The following CNTNAP2 variants were observed in gnomAD, a reference collection of about 807,000 sequenced individuals.
CNTNAP2 encodes the protein contactin associated protein 2.
Under a neutral mutation model 155.2 loss-of-function variants are expected in CNTNAP2, and 98 were observed. The ratio of observed to expected loss-of-function variants is 0.63; its 90% CI spans 0.54 to 0.75. The LOEUF (loss-of-function observed/expected upper bound fraction) is 0.75, where lower values mean the gene tolerates loss of function less well. Ranked by LOEUF, CNTNAP2 falls within the 30% of genes least tolerant of loss-of-function variation. The probability of loss-of-function intolerance (pLI) is 0.00; values close to 1 mark genes in which losing one functional copy is unlikely to be tolerated. For missense variants in CNTNAP2, 1,727 were observed against 1,688.1 expected (o/e 1.02, Z -0.40); for synonymous variants, 651 against 631.2 (o/e 1.03, Z -0.47).
chr7:146,769,766 G>A (rs546610861), intron 1 of CNTNAP2, among the ~76,000 whole-genome samples: 12 of 152,190 alleles, frequency 7.9e-5, no homozygotes, highest in East Asian at 1.9e-4. Context: ...GTTTAGTTTC[G>A]TGGGCCATAT....
At chr7:147,335,560 T>C (rs2116849745) in intron 9 of CNTNAP2, among the ~76,000 whole-genome samples, 1 of 152,152 alleles carries the variant, frequency 6.6e-6, no homozygotes, top group African/African-American at 2.4e-5. Context: ...AGAAAATAAA[T>C]GATTGAACAA....
chr7:148,322,516 A>G (rs574445310), intron 21 of CNTNAP2, among the ~76,000 whole-genome samples: 1 of 152,354 alleles, frequency 6.6e-6, no homozygotes, highest in South Asian at 2.1e-4. Flanking sequence ...GGATTTTAAT[A>G]TAACTAAAAC....
At chr7:147,939,759 G>A (rs1292414604) in intron 14 of CNTNAP2, among the ~76,000 whole-genome samples, 2 of 151,982 alleles carry the variant, frequency 1.3e-5, no homozygotes, top group Non-Finnish European at 2.9e-5. Flanking sequence ...CAAAAGAAAA[G>A]GCAAGTGTCC....
At chr7:147,054,828 G>T (rs1260313719) in intron 4 of CNTNAP2, among the ~76,000 whole-genome samples, 3 of 151,974 alleles carry the variant, frequency 2.0e-5, no homozygotes, top group African/African-American at 4.8e-5. Flanking sequence ...ACTCCTATCA[G>T]AATAGTATCA....
rs1342858669 is a variant in CNTNAP2 at position 148,247,646 on chromosome 7, TA to T, written c.3381+17868del. On this transcript the variant is annotated intron_variant, in intron 20 of 23. Coordinates refer to ENST00000361727, the MANE Select transcript of CNTNAP2 (RefSeq NM_014141.6). ...CTCTCTATTTATTTATTTATTTATT[TA>T]TTTATTTATTTATTTATTTTTTTGG... Among the ~76,000 whole-genome samples, 270 of 145,332 alleles carry T rather than the reference TA, an allele frequency of 1.9e-3. 2 individuals are homozygous for T. The highest frequency in any genetic ancestry group is 6.7e-3 in the African/African-American group (255 of 37,800).
chr7:146,703,197 C>T (rs1271791336), intron 1 of CNTNAP2, among the ~76,000 whole-genome samples: 1 of 152,124 alleles, frequency 6.6e-6, no homozygotes, highest in Non-Finnish European at 1.5e-5. Flanking sequence ...TTATTTTCAG[C>T]TCTACTGACA....
intron 13 of CNTNAP2, among the ~76,000 whole-genome samples, chr7:147,713,331 C>T (rs181076943): frequency 9.9e-4 from 151 of 152,260 alleles, no homozygotes; most frequent in Middle Eastern, 3.4e-3. Context: ...AGTCAAACCT[C>T]TCCCACCTGC....
chr7:148,348,344 A>G (rs1273519778), intron 21 of CNTNAP2, among the ~76,000 whole-genome samples: 1 of 152,202 alleles, frequency 6.6e-6, no homozygotes, highest in African/African-American at 2.4e-5. Flanking sequence ...TTCCAATACA[A>G]AGTAAGATAG....
chr7:146,436,308 G>A (rs1796242834), intron 1 of CNTNAP2, among the ~76,000 whole-genome samples: 1 of 152,084 alleles, frequency 6.6e-6, no homozygotes, highest in Admixed American at 6.6e-5. Context: ...CTACAAAAGA[G>A]GTATGCTCTT....
chr7:147,185,341 C>G (rs564125603), intron 8 of CNTNAP2, among the ~76,000 whole-genome samples: 1 of 152,016 alleles, frequency 6.6e-6, no homozygotes, highest in African/African-American at 2.4e-5. Flanking sequence ...TGAGCTTGCA[C>G]GTAATCTACA....
intron 21 of CNTNAP2, among the ~76,000 whole-genome samples, chr7:148,316,894 G>A (rs546403088): frequency 6.6e-6 from 1 of 152,306 alleles, no homozygotes; most frequent in South Asian, 2.1e-4. Context: ...TAAACAATGT[G>A]GAGCTGCCAT....
At chr7:147,827,018 C>T (rs1366063215) in intron 13 of CNTNAP2, among the ~76,000 whole-genome samples, 2 of 150,856 alleles carry the variant, frequency 1.3e-5, no homozygotes, top group African/African-American at 2.5e-5. Flanking sequence ...GCAAGCTCCA[C>T]CTCCTGGGTT....
chr7:147,231,067 G>A (rs1369534951), intron 8 of CNTNAP2, among the ~76,000 whole-genome samples: 3 of 152,214 alleles, frequency 2.0e-5, no homozygotes, highest in Admixed American at 6.5e-5. Flanking sequence ...AGAGAAGAGT[G>A]AAGCAAGCGG....
intron 9 of CNTNAP2, among the ~76,000 whole-genome samples, chr7:147,320,143 C>T (rs1422318270): frequency 6.6e-6 from 1 of 152,136 alleles, no homozygotes; most frequent in Non-Finnish European, 1.5e-5. Context: ...GTTTCTCACT[C>T]TTGGTCAAGA....
intron 1 of CNTNAP2, among the ~76,000 whole-genome samples, chr7:146,249,313 T>C (rs1327417936): frequency 6.6e-6 from 1 of 152,226 alleles, no homozygotes; most frequent in African/African-American, 2.4e-5. Flanking sequence ...CTTCATGTTA[T>C]CTAATCTGGA....
chr7:147,694,110 G>T (rs1796129487), intron 13 of CNTNAP2, among the ~76,000 whole-genome samples: 1 of 151,896 alleles, frequency 6.6e-6, no homozygotes, highest in African/African-American at 2.4e-5. Context: ...CTCTTGATAT[G>T]ATCATGTGAT....
intron 3 of CNTNAP2, among the ~76,000 whole-genome samples, chr7:147,013,562 C>G (rs1227463528): frequency 6.6e-6 from 1 of 152,018 alleles, no homozygotes; most frequent in Non-Finnish European, 1.5e-5. Context: ...GCCTTTTCTT[C>G]CTGAAGATGA....
chr7:146,458,200 T>C (rs547995844), intron 1 of CNTNAP2, among the ~76,000 whole-genome samples: 1 of 152,270 alleles, frequency 6.6e-6, no homozygotes, highest in South Asian at 2.1e-4. Flanking sequence ...CTGGGCTTAA[T>C]ACCTAGGTGA....
chr7:147,150,675 C>T (rs534392357), intron 8 of CNTNAP2, among the ~76,000 whole-genome samples: 14 of 152,094 alleles, frequency 9.2e-5, no homozygotes, highest in African/African-American at 2.2e-4. Context: ...TTGTTATATA[C>T]GTATGAATTA....
Sources: gnomAD v4.1 joint callset for allele counts (sites outside exome capture counted in the v4.1 genomes callset) on GRCh38, gnomAD v4.1.1 for gene constraint, MANE v1.5 for transcripts, NCBI Gene and HGNC (gene_info 2026-07-23, HGNC 2026-07-21) for gene names.